CMTM6: variants seen among roughly 807,000 people sequenced by gnomAD.
CMTM6 encodes the protein CKLF-like MARVEL transmembrane domain-containing protein 6.
Under a neutral mutation model 13.6 loss-of-function variants are expected in CMTM6, and 5 were observed. The observed-to-expected ratio is 0.37, with a 90% CI of 0.19 to 0.77. The LOEUF (loss-of-function observed/expected upper bound fraction) is 0.77. Ranked by LOEUF, CMTM6 falls within the 30% of genes least tolerant of loss-of-function variation. The pLI is 0.50. For missense variants in CMTM6, 196 were observed against 218.6 expected (o/e 0.90, Z 0.65); for synonymous variants, 99 against 84.5 (o/e 1.17, Z -0.94).
chr3:32,484,255 C>CA (rs1174933951), intron 3 of CMTM6, among the ~76,000 whole-genome samples, 158 bp from the exon 4 acceptor site: 2 of 151,934 alleles, frequency 1.3e-5, no homozygotes, highest in East Asian at 1.9e-4. Flanking sequence ...TTTAAGTCAT[C>CA]AAAAAATGGA....
rs1553614902 is a variant in CMTM6, at chr3:32,482,642, T to C, written c.*1318A>G. The C allele has an allele frequency of 1.3e-5, 2 of 152,096 alleles. No individual in the cohort carries two copies. Among genetic ancestry groups the C allele is most frequent in the Non-Finnish European group, 2.9e-5 (2 of 68,030 alleles). The allele number at this position is 152,096 out of a possible 1,614,324, so 9.4% of individuals were successfully genotyped here. Reference sequence around the variant, plus strand: ...CCAACAGACAATTCTGGTTATGAAGTTATCTCTTGAGAATGGCTTGATTCT... The same window carrying C: ...CCAACAGACAATTCTGGTTATGAAGCTATCTCTTGAGAATGGCTTGATTCT... On this transcript the variant is annotated 3_prime_UTR_variant, in exon 4 of 4. Transcript: ENST00000205636.
chr3:32,502,462 C>A, intron 1 of CMTM6, 146 bp downstream of exon 1: 1 of 1,070,836 alleles, frequency 9.3e-7, no homozygotes, highest in Non-Finnish European at 1.3e-6. Flanking sequence ...CGCCCCCTTC[C>A]CCAGGCTGAG....
Position 32,491,782 on chromosome 3 carries a change from C to A in CMTM6, c.243G>T (p.Leu81=), listed in dbSNP as rs376154435. 121 of 1,613,830 alleles carry A rather than the reference C, an allele frequency of 7.5e-5. No homozygotes were observed. Among genetic ancestry groups the A allele is most frequent in the Non-Finnish European group, 9.6e-5 (113 of 1,179,908 alleles). The change falls in exon 2 of 4, where the codon CTG becomes CTT. Residue 81 remains leucine, a synonymous_variant. Coordinates refer to ENST00000205636, the MANE Select transcript of CMTM6 (RefSeq NM_017801.3). ...FEFVSCSAFL[L]SLLILIVYCT... Reference sequence around the variant, plus strand: ...AATACACAATCAGTATAAGGAGACTCAGAAGAAAGGCACTGCAGCTTACAA... The same window carrying A: ...AATACACAATCAGTATAAGGAGACTAAGAAGAAAGGCACTGCAGCTTACAA...
chr3:32,501,685 T>C (rs192112639), intron 1 of CMTM6, among the ~76,000 whole-genome samples: 1 of 152,378 alleles, frequency 6.6e-6, no homozygotes, highest in East Asian at 1.9e-4. Context: ...ACCAATGAGC[T>C]AATTTTTACT....
At chr3:32,501,754 G>C (rs931575097) in intron 1 of CMTM6, among the ~76,000 whole-genome samples, 1 of 152,088 alleles carries the variant, frequency 6.6e-6, no homozygotes, top group Admixed American at 6.5e-5. Flanking sequence ...ATAAGCATTC[G>C]GATTTTTCCT....
Position 32,502,751 on chromosome 3 carries a change from C to T in CMTM6, c.-6G>A, listed in dbSNP as rs769052520. 8.4e-6 allele frequency: 12 copies of T among 1,435,538 alleles called. No homozygotes were observed. The African/African-American group carries it at 1.3e-4, about 16-fold the overall frequency. 88.9% of individuals were successfully genotyped at this position (1,435,538 alleles called of 1,614,324 possible). A position where few individuals can be genotyped will look rare whatever the true frequency, so the allele number is the denominator to read the frequency against. On this transcript the variant is annotated 5_prime_UTR_variant, in exon 1 of 4. Coordinates refer to ENST00000205636, the MANE Select transcript of CMTM6 (RefSeq NM_017801.3). ...TACACCGCTCCGTTCTCCATCGCCT[C>T]GGGCCGGGGAGCGCGGCGGCCGCAG... is the stretch of plus-strand genomic sequence containing the variant.
chr3:32,482,790 T>C lies in CMTM6; in HGVS notation c.*1170A>G, dbSNP rs1237037331. ...GTAAGAACAAGGACTCTCAAGATCC[T>C]GCTACACAGTATTCACAATCAAAAG... On this transcript the variant is annotated 3_prime_UTR_variant, in exon 4 of 4. Coordinates refer to ENST00000205636, the MANE Select transcript of CMTM6 (RefSeq NM_017801.3). The C allele has an allele frequency of 6.8e-6, 1 of 147,522 alleles. No homozygotes were observed. Among genetic ancestry groups the C allele is most frequent in the Non-Finnish European group, 1.5e-5 (1 of 67,506 alleles). 9.1% of individuals were successfully genotyped at this position (147,522 alleles called of 1,614,324 possible).
intron 3 of CMTM6, chr3:32,487,657 T>C (rs1697215423): frequency 4.2e-6 from 1 of 237,460 alleles, no homozygotes; most frequent in Non-Finnish European, 8.1e-6. Context: ...AGTGGAGAAA[T>C]ATAAAATAAT....
chr3:32,494,625 T>G lies in CMTM6; in HGVS notation c.139-2739A>C, dbSNP rs146926147. Among the ~76,000 whole-genome samples the G allele has an allele frequency of 1.3e-3, 198 of 152,172 alleles. 1 individual carries two copies. The highest frequency in any genetic ancestry group is 4.4e-3 in the African/African-American group (184 of 41,512). ...CCCCAAACTAGAAACATTCCAGATGTCCAATGGTTAAAACAAACTGTGGTA... is the reference window on the plus strand; with the variant it reads ...CCCCAAACTAGAAACATTCCAGATGGCCAATGGTTAAAACAAACTGTGGTA... On this transcript the variant is annotated intron_variant, in intron 1 of 3. Coordinates refer to ENST00000205636, the MANE Select transcript of CMTM6 (RefSeq NM_017801.3).
At position 32,487,995 on chromosome 3, in the gene CMTM6, C is replaced by T; in HGVS notation, c.357G>A (p.Leu119=). 1 of 1,613,546 alleles carries T rather than the reference C, an allele frequency of 6.2e-7. No homozygotes were observed. Among genetic ancestry groups the T allele is most frequent in the Non-Finnish European group, 8.5e-7 (1 of 1,179,728 alleles). Residue 119 remains leucine (L), a synonymous_variant, in exon 3 of 4, where the codon TTG becomes TTA. Coordinates refer to ENST00000205636, the MANE Select transcript of CMTM6 (RefSeq NM_017801.3). ...ITLGTGCVFL[L]ASIIFVSTHD... Reference sequence around the variant, plus strand: ...GTGTGGAAACAAAAATGATGGATGCCAACAAAAACACACATCCTGTTCCCA... The same window carrying T: ...GTGTGGAAACAAAAATGATGGATGCTAACAAAAACACACATCCTGTTCCCA...
At chr3:32,497,803 A>G (rs957736942) in intron 1 of CMTM6, among the ~76,000 whole-genome samples, 2 of 151,178 alleles carry the variant, frequency 1.3e-5, no homozygotes, top group Non-Finnish European at 1.5e-5. Flanking sequence ...GGTTGCAATG[A>G]GCCGAGACTG....
intron 1 of CMTM6, among the ~76,000 whole-genome samples, chr3:32,492,240 A>G (rs1559424806): frequency 6.6e-6 from 1 of 152,174 alleles, no homozygotes; most frequent in Non-Finnish European, 1.5e-5. Context: ...ATGAAAGATT[A>G]AGGAAAGAAA....
rs1697360044 is a variant in CMTM6, at chr3:32,502,800, A to C, written c.-55T>G. The C allele has an allele frequency of 3.6e-6, 5 of 1,371,656 alleles. No individual in the cohort carries two copies. Among genetic ancestry groups the C allele is most frequent in the Non-Finnish European group, 4.7e-6 (5 of 1,062,656 alleles). The allele number at this position is 1,371,656 out of a possible 1,614,324, so 85.0% of individuals were successfully genotyped here. A position where few individuals can be genotyped will look rare whatever the true frequency, so the allele number is the denominator to read the frequency against. On this transcript the variant is annotated 5_prime_UTR_variant, in exon 1 of 4. Coordinates refer to ENST00000205636, the MANE Select transcript of CMTM6 (RefSeq NM_017801.3). The stretch of plus-strand genomic sequence containing the variant: ...AGCAACCGCGCCGTTGACTTCTCGG[A>C]CTCCAGAAGTCCCCGGTAGCCGGGA...
At chr3:32,498,374 A>G (rs987776318) in intron 1 of CMTM6, among the ~76,000 whole-genome samples, 2 of 152,166 alleles carry the variant, frequency 1.3e-5, no homozygotes, top group African/African-American at 2.4e-5. Flanking sequence ...ACGAGTATGT[A>G]TGTTTGTGTA....
rs936376242 is a variant in CMTM6 at position 32,483,177 on chromosome 3, T to G, written c.*783A>C. 1.8e-4 allele frequency: 28 copies of G among 152,690 alleles called. No individual in the cohort carries two copies. The highest frequency in any genetic ancestry group is 6.8e-4 in the African/African-American group (28 of 41,478). The allele number at this position is 152,690 out of a possible 1,614,324, so 9.5% of individuals were successfully genotyped here. A position where few individuals can be genotyped will look rare whatever the true frequency, so the allele number is the denominator to read the frequency against. On this transcript the variant is annotated 3_prime_UTR_variant, in exon 4 of 4. Transcript: ENST00000205636. Reference sequence around the variant, plus strand: ...CACTGTCTTGGGCAAAAAGTCTTTCTTATCTTTGGTCCTTAGGTGTGGTAT... The same window carrying G: ...CACTGTCTTGGGCAAAAAGTCTTTCGTATCTTTGGTCCTTAGGTGTGGTAT...
chr3:32,502,636 A>G lies in CMTM6; in HGVS notation c.110T>C (p.Leu37Pro), dbSNP rs527713087. Residue 37 changes from leucine (L) to proline (P), a missense_variant, in exon 1 of 4, where the codon CTC (leucine) becomes CCC (proline). Around this residue, in one of 2 missense-constraint regions of CMTM6, gnomAD observed 85 missense variants for 58.7 expected, o/e 1.45. Coordinates refer to ENST00000205636, the MANE Select transcript of CMTM6 (RefSeq NM_017801.3). ...CTGCAAGCCCTTGAGAACGCGCCGG[A>G]GCAATGGGAGCCGGCCCATGAAAAA... ...AYFFMGRLPL[L>P]RRVLKGLQLL... 17 of 1,596,564 alleles carry G rather than the reference A, an allele frequency of 1.1e-5. No individual in the cohort carries two copies. In the Admixed American group the frequency reaches 1.2e-4, roughly 11 times the overall value.
chr3:32,493,745 T>TAC (rs1697267969), intron 1 of CMTM6, among the ~76,000 whole-genome samples: 1 of 152,114 alleles, frequency 6.6e-6, no homozygotes, highest in African/African-American at 2.4e-5. Context: ...AAAAAGTATT[T>TAC]ACACACACAT....
At chr3:32,494,462 G>A (rs761242431) in intron 1 of CMTM6, among the ~76,000 whole-genome samples, 3 of 152,160 alleles carry the variant, frequency 2.0e-5, no homozygotes, top group Non-Finnish European at 2.9e-5. Flanking sequence ...CAGTTCAGCG[G>A]TTTCTTTAAA....
rs1485368670 is a variant in CMTM6, at chr3:32,491,698, T to C, written c.315+12A>G. ...AGCTATTAATACAGGGATGATATTT[T>C]CTCATGCTTACCGATGATTTTACTT... On this transcript the variant is annotated intron_variant, in intron 2 of 3. Transcript: ENST00000205636. 6.3e-7 allele frequency: 1 copy of C among 1,583,742 alleles called. No individual in the cohort carries two copies. The highest frequency in any genetic ancestry group is 8.6e-7 in the Non-Finnish European group (1 of 1,165,800).
Sources: gnomAD v4.1 joint callset for allele counts (sites outside exome capture counted in the v4.1 genomes callset) on GRCh38, gnomAD v4.1.1 for gene constraint, gnomAD v4.1.1 regional missense constraint, MANE v1.5 for transcripts, NCBI Gene and HGNC (gene_info 2026-07-23, HGNC 2026-07-21) for gene names.